Variants in OAF observed in about 807,000 individuals in gnomAD.
OAF encodes the protein out at first homolog, also known as out at first protein homolog.
OAF carries 13 observed loss-of-function variants against 22.5 expected under a neutral mutation model. The observed-to-expected ratio is 0.58, with a 90% CI of 0.38 to 0.92. The LOEUF (loss-of-function observed/expected upper bound fraction) is 0.92. Among genes scored for constraint, OAF ranks in the 40% least tolerant of loss-of-function variants. The pLI, the probability that OAF is intolerant of heterozygous loss-of-function variation, is 0.00. For synonymous variants in OAF, 175 were observed against 170.5 expected (o/e 1.03, Z -0.21); for missense variants, 347 against 381.8 (o/e 0.91, Z 0.76).
chr11:120,211,562 G>C, intron 1 of OAF, 52 bp downstream of exon 1: 1 of 1,268,954 alleles, frequency 7.9e-7, no homozygotes, highest in East Asian at 2.9e-5. Context: ...AGCCCCCCGG[G>C]ATCCCAGGCG....
intron 1 of OAF, among the ~76,000 whole-genome samples, chr11:120,213,192 GAA>G (rs1354459353): frequency 6.6e-6 from 1 of 151,898 alleles, no homozygotes; most frequent in African/African-American, 2.4e-5. Flanking sequence ...GCTACATCTG[GAA>G]GGTTTTTATT....
chr11:120,211,530 C>T lies in OAF; in HGVS notation c.231+20C>T. On this transcript the variant is annotated intron_variant, in intron 1 of 3. Coordinates refer to ENST00000328965, the MANE Select transcript of OAF (RefSeq NM_178507.4). ...AAGAAGGTGAGGCGCCCTCACTCGC[C>T]GGGGTGGCACCTTCAAGCCTGAGCC... 1 of 1,427,454 alleles carries T rather than the reference C, an allele frequency of 7.0e-7. No homozygotes were observed. The highest frequency in any genetic ancestry group is 1.5e-5 in the South Asian group (1 of 65,464). The allele number at this position is 1,427,454 out of a possible 1,614,324, so 88.4% of individuals were successfully genotyped here.
intron 1 of OAF, among the ~76,000 whole-genome samples, chr11:120,214,689 G>T (rs908366483): frequency 6.6e-6 from 1 of 152,096 alleles, no homozygotes; most frequent in Non-Finnish European, 1.5e-5. Flanking sequence ...CTCTACCCGC[G>T]TCAGAGTTCT....
At chr11:120,221,399 G>A (rs754650974) in intron 1 of OAF, among the ~76,000 whole-genome samples, 4 of 152,206 alleles carry the variant, frequency 2.6e-5, no homozygotes, top group Admixed American at 6.5e-5. Context: ...TGGGTCTTCA[G>A]GAGTGGAGTA....
intron 1 of OAF, among the ~76,000 whole-genome samples, chr11:120,219,307 C>CG (rs1267057692): frequency 4.6e-5 from 7 of 152,088 alleles, no homozygotes; most frequent in Non-Finnish European, 1.0e-4. Context: ...TGAAAGAGGA[C>CG]GGTGTGCGCG....
At chr11:120,211,604 A>G in intron 1 of OAF, 94 bp downstream of exon 1, 1 of 918,054 alleles carries the variant, frequency 1.1e-6, no homozygotes, top group South Asian at 2.5e-5. Flanking sequence ...AGACGGGCCC[A>G]GGAGGGAGAC....
intron 1 of OAF, 116 bp from the exon 2 acceptor site, chr11:120,225,545 T>C (rs550987254): frequency 3.9e-5 from 31 of 790,486 alleles, no homozygotes; most frequent in Non-Finnish European, 2.1e-5. Context: ...AGGAGGGAGG[T>C]GTCTGTTGCC....
Position 120,211,395 on chromosome 11 carries a change from C to G in OAF, c.116C>G (p.Pro39Arg), listed in dbSNP as rs550463179. Residue 39 changes from proline to arginine, a missense_variant, in exon 1 of 4, where the codon CCG becomes CGG. Coordinates refer to ENST00000328965, the MANE Select transcript of OAF (RefSeq NM_178507.4). ...PAELRVRVRL[P>R]DGQVTEESLQ... ...GAGCTGCGGGTCCGCGTGCGGCTGCCGGACGGCCAGGTGACCGAGGAGAGC... is the reference window on the plus strand; with the variant it reads ...GAGCTGCGGGTCCGCGTGCGGCTGCGGGACGGCCAGGTGACCGAGGAGAGC... 13 of 1,489,020 alleles carry G rather than the reference C, an allele frequency of 8.7e-6. No individual in the cohort carries two copies. Among genetic ancestry groups the G allele is most frequent in the Non-Finnish European group, 2.7e-6 (3 of 1,114,326 alleles). 92.2% of individuals were successfully genotyped at this position (1,489,020 alleles called of 1,614,324 possible).
chr11:120,221,705 A>G (rs530830370), intron 1 of OAF, among the ~76,000 whole-genome samples: 2 of 152,060 alleles, frequency 1.3e-5, no homozygotes, highest in South Asian at 2.1e-4. Flanking sequence ...GAGCCTACCT[A>G]CTCCTTACTT....
chr11:120,223,710 C>T (rs1363785186), intron 1 of OAF, among the ~76,000 whole-genome samples: 1 of 152,224 alleles, frequency 6.6e-6, no homozygotes, highest in Admixed American at 6.5e-5. Flanking sequence ...AAAGAGACCC[C>T]TGAGCAGCCC....
chr11:120,212,663 G>A (rs1300619374), intron 1 of OAF, among the ~76,000 whole-genome samples: 12 of 151,074 alleles, frequency 7.9e-5, no homozygotes, highest in Non-Finnish European at 1.6e-4. Flanking sequence ...GAGAGGTGGC[G>A]GAGTTTGGGA....
chr11:120,228,824 C>CCA, intron 3 of OAF, 44 bp from the exon 4 acceptor site: 32 of 519,062 alleles, frequency 6.2e-5, no homozygotes, highest in East Asian at 1.7e-4. Context: ...AGCTCCTTCC[C>CCA]TCCCTCCCTC....
intron 3 of OAF, among the ~76,000 whole-genome samples, chr11:120,228,379 G>A (rs999091749): frequency 6.6e-6 from 1 of 152,154 alleles, no homozygotes; most frequent in Non-Finnish European, 1.5e-5. Context: ...ACTGTGCCCG[G>A]CCAGATGTCA....
At position 120,229,346 on chromosome 11, in the gene OAF, C is replaced by T; in HGVS notation, c.*204C>T. The T allele has an allele frequency of 1.7e-6, 1 of 587,792 alleles. No homozygotes were observed. The highest frequency in any genetic ancestry group is 2.8e-5 in the East Asian group (1 of 35,514). 36.4% of individuals were successfully genotyped at this position (587,792 alleles called of 1,614,324 possible). On this transcript the variant is annotated 3_prime_UTR_variant, in exon 4 of 4. Transcript: ENST00000328965. ...GGTCTCATGAAGGCACCCCCATTCC[C>T]ACCCTGTGCCTTCCTTGCGGGCAGA... is the stretch of plus-strand genomic sequence containing the variant.
chr11:120,228,268 A>G (rs1474645398), intron 3 of OAF, among the ~76,000 whole-genome samples: 1 of 152,098 alleles, frequency 6.6e-6, no homozygotes, highest in Non-Finnish European at 1.5e-5. Flanking sequence ...TGCTTTTAGT[A>G]GAAACAAGGT....
chr11:120,223,633 C>T (rs1403502360), intron 1 of OAF, among the ~76,000 whole-genome samples: 1 of 152,184 alleles, frequency 6.6e-6, no homozygotes, highest in East Asian at 1.9e-4. Flanking sequence ...TTTCTTTCAT[C>T]CTCTAGTCTG....
chr11:120,219,648 A>G (rs1160727423), intron 1 of OAF, among the ~76,000 whole-genome samples: 2 of 152,114 alleles, frequency 1.3e-5, no homozygotes, highest in Admixed American at 6.5e-5. Flanking sequence ...CATGGCTGGG[A>G]TGGGCACAGG....
rs191986177 is a variant in OAF, at chr11:120,228,179, G to T, written c.548-689G>T. On this transcript the variant is annotated intron_variant, in intron 3 of 3. Transcript: ENST00000328965. ...GGCTCACTGCAACCTCCGCCACCCG[G>T]GTTCCAGCAATTCTCCTGCCTCAGC... 5.7e-3 allele frequency among the ~76,000 whole-genome samples: 871 copies of T among 152,124 alleles called. 10 individuals carry two copies. The highest frequency in any genetic ancestry group is 0.019 in the African/African-American group (798 of 41,504).
chr11:120,228,178 G>C (rs1281726312), intron 3 of OAF, among the ~76,000 whole-genome samples: 1 of 151,742 alleles, frequency 6.6e-6, no homozygotes, highest in Non-Finnish European at 1.5e-5. Flanking sequence ...TCCGCCACCC[G>C]GGTTCCAGCA....
Sources: allele counts gnomAD v4.1 joint callset (sites outside exome capture counted in the v4.1 genomes callset), GRCh38; gene constraint gnomAD v4.1.1; transcripts MANE v1.5; gene names NCBI Gene and HGNC (gene_info 2026-07-23, HGNC 2026-07-21).